The following PPARGC1B variants were observed in gnomAD, a reference collection of about 807,000 sequenced individuals.
The protein encoded by PPARGC1B is peroxisome proliferator-activated receptor gamma coactivator 1-beta.
PPARGC1B carries 34 observed loss-of-function variants against 101.6 expected under a neutral mutation model. That is an observed-to-expected ratio of 0.33 (90% confidence interval 0.25 to 0.45). PPARGC1B has a LOEUF of 0.45. Ranked by LOEUF, PPARGC1B falls within the 20% of genes least tolerant of loss-of-function variation. The pLI is 1.00. For synonymous variants in PPARGC1B, 548 were observed against 539.3 expected (o/e 1.02, Z -0.22); for missense variants, 1,234 against 1,317.6 (o/e 0.94, Z 0.98).
rs1371942128 is a variant in PPARGC1B at position 149,826,715 on chromosome 5, A to G, written c.295A>G (p.Thr99Ala). The G allele has an allele frequency of 6.2e-7, 1 of 1,613,980 alleles. No homozygotes were observed. Among genetic ancestry groups the G allele is most frequent in the Admixed American group, 1.7e-5 (1 of 60,000 alleles). Residue 99 changes from threonine (T) to alanine (A), a missense_variant, in exon 3 of 12, where the codon ACC becomes GCC. Thr to Ala is a moderately conservative substitution (Grantham distance 58). Coordinates refer to ENST00000309241, the MANE Select transcript of PPARGC1B (RefSeq NM_133263.4). ...NEALLAELTKTLDDIPEDDVG... is the reference protein window; with the variant it reads ...NEALLAELTKALDDIPEDDVG... ...GGCCCTCCTGGCAGAGCTCACCAAG[A>G]CCCTGGATGACATCCCTGAAGATGA...
At chr5:149,809,930 C>T (rs893529806) in intron 1 of PPARGC1B, among the ~76,000 whole-genome samples, 3 of 151,870 alleles carry the variant, frequency 2.0e-5, no homozygotes, top group South Asian at 2.1e-4. Context: ...AGAAGGGAGC[C>T]GCTATGGGAG....
intron 1 of PPARGC1B, among the ~76,000 whole-genome samples, chr5:149,739,193 A>G (rs751670691): frequency 1.3e-5 from 2 of 152,204 alleles, no homozygotes; most frequent in Non-Finnish European, 2.9e-5. Flanking sequence ...CCATCCCTCC[A>G]TCACCCAGCG....
Position 149,832,799 on chromosome 5 carries a change from C to T in PPARGC1B, c.726C>T (p.Leu242=), listed in dbSNP as rs1758850203. The T allele has an allele frequency of 1.9e-6, 3 of 1,612,860 alleles. No individual in the cohort carries two copies. Among genetic ancestry groups the T allele is most frequent in the African/African-American group, 2.7e-5 (2 of 74,898 alleles). Residue 242 remains leucine, a synonymous_variant, in exon 5 of 12, where the codon CTC becomes CTT. Coordinates refer to ENST00000309241, the MANE Select transcript of PPARGC1B (RefSeq NM_133263.4). The surrounding 1 kb of genome is among the most constrained non-coding windows in gnomAD (Gnocchi z 4.9). ...CACCATGCCTCCAGAGTCCCCGGCT[C>T]CCTGCCAAGGAGGACAAGGAGCCGG... is the stretch of plus-strand genomic sequence containing the variant. ...LQPPCLQSPR[L]PAKEDKEPGE... is the part of the protein sequence containing the mutation.
At position 149,833,628 on chromosome 5, in the gene PPARGC1B, G is replaced by C. The variant is rs1201997140; in HGVS notation, c.1555G>C (p.Glu519Gln). ...LCLAPKAYDV[E>Q]RELGSPTDED... ...CCTGGCTCCCAAGGCCTACGACGTA[G>C]AGCGGGAGCTGGGCAGCCCCACGGA... The change falls in exon 5 of 12, where the codon GAG (glutamate) becomes CAG (glutamine). Residue 519 changes from glutamate to glutamine, a missense_variant. Glu to Gln is a conservative substitution (Grantham distance 29, BLOSUM62 2). Coordinates refer to ENST00000309241, the MANE Select transcript of PPARGC1B (RefSeq NM_133263.4). This position sits in a 1 kb window ranked among gnomAD's most constrained non-coding sequence, Gnocchi z 4.1. 6.2e-6 allele frequency: 10 copies of C among 1,609,840 alleles called. No homozygotes were observed. The highest frequency in any genetic ancestry group is 1.1e-5 in the South Asian group (1 of 90,028).
intron 1 of PPARGC1B, among the ~76,000 whole-genome samples, chr5:149,744,979 G>A (rs1755035888): frequency 6.8e-6 from 1 of 147,736 alleles, no homozygotes; most frequent in African/African-American, 2.5e-5. Flanking sequence ...GAGGCTCACT[G>A]CAGTCTCGAC....
chr5:149,736,837 C>A (rs763837161), intron 1 of PPARGC1B, among the ~76,000 whole-genome samples: 1 of 152,000 alleles, frequency 6.6e-6, no homozygotes, highest in Non-Finnish European at 1.5e-5. Context: ...TTGCCATATA[C>A]CCTTGCCCCC....
chr5:149,816,727 C>A (rs1255528707), intron 1 of PPARGC1B, among the ~76,000 whole-genome samples: 1 of 152,190 alleles, frequency 6.6e-6, no homozygotes, highest in Non-Finnish European at 1.5e-5. Flanking sequence ...GAACATAGAG[C>A]TCACCCAAGA....
At chr5:149,815,237 A>G (rs1389451326) in intron 1 of PPARGC1B, among the ~76,000 whole-genome samples, 3 of 151,926 alleles carry the variant, frequency 2.0e-5, no homozygotes, top group Non-Finnish European at 4.4e-5. Context: ...TCAGAATGTG[A>G]CCTCCTTGGA....
intron 1 of PPARGC1B, among the ~76,000 whole-genome samples, chr5:149,804,193 T>A (rs1757521971): frequency 6.6e-6 from 1 of 152,192 alleles, no homozygotes; most frequent in Non-Finnish European, 1.5e-5. Flanking sequence ...GCCAAAACTG[T>A]CCTGGGAAAT....
chr5:149,760,027 G>A (rs1425125899), intron 1 of PPARGC1B, among the ~76,000 whole-genome samples: 1 of 152,228 alleles, frequency 6.6e-6, no homozygotes, highest in Non-Finnish European at 1.5e-5. Context: ...ACATGAAGAA[G>A]CTATGGTCCT....
At chr5:149,820,628 C>T (rs755744782) in intron 2 of PPARGC1B, 22 bp downstream of exon 2, 1 of 1,591,934 alleles carries the variant, frequency 6.3e-7, no homozygotes, top group Non-Finnish European at 8.5e-7. Flanking sequence ...CCAGTCTCCC[C>T]TCCTCCCACC....
chr5:149,732,041 C>G (rs1754502374), intron 1 of PPARGC1B, among the ~76,000 whole-genome samples: 1 of 94,200 alleles, frequency 1.1e-5, no homozygotes, highest in African/African-American at 4.3e-5. Context: ...GGGTTGCGCG[C>G]GCGGGTGTGT....
intron 3 of PPARGC1B, among the ~76,000 whole-genome samples, chr5:149,830,543 G>C (rs1758739190): frequency 6.6e-6 from 1 of 152,144 alleles, no homozygotes; most frequent in South Asian, 2.1e-4. Context: ...CTCTGAAAAG[G>C]ATTTGTATGT....
In PPARGC1B at chr5:149,853,377, TTAG is replaced by T. The variant is rs1759837784; in HGVS notation, c.*5823_*5825del. The T allele has an allele frequency of 6.6e-6, 1 of 152,274 alleles. No homozygotes were observed. Among genetic ancestry groups the T allele is most frequent in the Non-Finnish European group, 1.5e-5 (1 of 68,070 alleles). The allele number at this position is 152,274 out of a possible 1,614,324, so 9.4% of individuals were successfully genotyped here. A position where few individuals can be genotyped will look rare whatever the true frequency, so the allele number is the denominator to read the frequency against. ...GTCAGAAGACTCCAGAAGCAGCCAC[TTAG>T]TAGACTCTCACGCAGAACTGAGAAA... On this transcript the variant is annotated 3_prime_UTR_variant, in exon 12 of 12. Coordinates refer to ENST00000309241, the MANE Select transcript of PPARGC1B (RefSeq NM_133263.4). The surrounding 1 kb of genome is among the most constrained non-coding windows in gnomAD (Gnocchi z 4.2).
At chr5:149,741,654 G>A (rs1754912733) in intron 1 of PPARGC1B, among the ~76,000 whole-genome samples, 1 of 147,926 alleles carries the variant, frequency 6.8e-6, no homozygotes, top group Non-Finnish European at 1.5e-5. Flanking sequence ...GTGAGACAGA[G>A]TCTTACCCTG....
At chr5:149,804,772 G>GGCCCCAGGACCTGGGGGAGGT (rs1757538699) in intron 1 of PPARGC1B, among the ~76,000 whole-genome samples, 1 of 152,216 alleles carries the variant, frequency 6.6e-6, no homozygotes, top group African/African-American at 2.4e-5. Flanking sequence ...GTGGGAAGGT[G>GGCCCCAGGACCTGGGGGAGGT]GCCCCAGGAC....
rs953043126 is a variant in PPARGC1B, at chr5:149,853,485, T to G, written c.*5927T>G. On this transcript the variant is annotated 3_prime_UTR_variant, in exon 12 of 12. Transcript: ENST00000309241. This position sits in a 1 kb window ranked among gnomAD's most constrained non-coding sequence, Gnocchi z 4.2. The stretch of plus-strand genomic sequence containing the variant: ...GTGCCCGGGAAGGGTTTACTGTAAC[T>G]GCAATACTGGCAGCCCAGCTGCTGA... 1 of 152,198 alleles carries G rather than the reference T, an allele frequency of 6.6e-6. No individual in the cohort carries two copies. The highest frequency in any genetic ancestry group is 2.4e-5 in the African/African-American group (1 of 41,442). The allele number at this position is 152,198 out of a possible 1,614,324, so 9.4% of individuals were successfully genotyped here.
At position 149,853,027 on chromosome 5, in the gene PPARGC1B, A is replaced by G. The variant is rs530423824; in HGVS notation, c.*5469A>G. On this transcript the variant is annotated 3_prime_UTR_variant, in exon 12 of 12. Coordinates refer to ENST00000309241, the MANE Select transcript of PPARGC1B (RefSeq NM_133263.4). This position sits in a 1 kb window ranked among gnomAD's most constrained non-coding sequence, Gnocchi z 4.2. ...CCCTGGGCTGTGCAACAACTCCTCA[A>G]AGAGGGGTTTATATAACTAGAACCC... 8 of 152,208 alleles carry G rather than the reference A, an allele frequency of 5.3e-5. No individual in the cohort carries two copies. The highest frequency in any genetic ancestry group is 1.9e-4 in the African/African-American group (8 of 41,524). The allele number at this position is 152,208 out of a possible 1,614,324, so 9.4% of individuals were successfully genotyped here. A position where few individuals can be genotyped will look rare whatever the true frequency, so the allele number is the denominator to read the frequency against.
chr5:149,820,400 T>G lies in PPARGC1B; in HGVS notation c.79-33T>G, dbSNP rs760597244. 3 of 1,605,310 alleles carry G rather than the reference T, an allele frequency of 1.9e-6. No homozygotes were observed. In the African/African-American group the frequency reaches 4.0e-5, roughly 21 times the overall value. On this transcript the variant is annotated intron_variant, in intron 1 of 11. Transcript: ENST00000309241. ...CTGCTTGGGTCTAGCCAGCCTCAGCTCTGATCCACCTCTTTCCTTCCTGTC... is the reference window on the plus strand; with the variant it reads ...CTGCTTGGGTCTAGCCAGCCTCAGCGCTGATCCACCTCTTTCCTTCCTGTC...
Sources: gnomAD v4.1 joint callset for allele counts (sites outside exome capture counted in the v4.1 genomes callset) on GRCh38, gnomAD v4.1.1 for gene constraint, Gnocchi (gnomAD v3.1) non-coding constraint, MANE v1.5 for transcripts, NCBI Gene and HGNC (gene_info 2026-07-23, HGNC 2026-07-21) for gene names.